Variants in CCSER1 observed in about 807,000 individuals in gnomAD.
The protein encoded by CCSER1 is serine-rich coiled-coil domain-containing protein 1.
A neutral mutation model predicts 82.0 loss-of-function variants in CCSER1; 41 were observed. That is an observed-to-expected ratio of 0.50 (90% CI 0.39 to 0.65). The LOEUF (loss-of-function observed/expected upper bound fraction) is 0.65, where lower values mean the gene tolerates loss of function less well. Ranked by LOEUF, CCSER1 falls within the 30% of genes least tolerant of loss-of-function variation. CCSER1 has a pLI of 0.00. For missense variants in CCSER1, 1,119 were observed against 1,064.2 expected, an observed-to-expected ratio of 1.05 and a Z score of -0.72; for synonymous variants, 414 against 383.9, an observed-to-expected ratio of 1.08 and a Z score of -0.92.
At chr4:90,630,938 G>C (rs1724289458) in intron 6 of CCSER1, among the ~76,000 whole-genome samples, 1 of 150,494 alleles carries the variant, frequency 6.6e-6, no homozygotes, top group African/African-American at 2.4e-5. Flanking sequence ...CTGTCACCCA[G>C]GCTGGAGTGC....
chr4:91,274,606 T>C (rs1742277831), intron 10 of CCSER1, among the ~76,000 whole-genome samples: 1 of 152,168 alleles, frequency 6.6e-6, no homozygotes, highest in Non-Finnish European at 1.5e-5. Flanking sequence ...CTGGCTTATT[T>C]CACCTGAAAT....
intron 3 of CCSER1, among the ~76,000 whole-genome samples, chr4:90,392,810 G>A (rs1190185873): frequency 6.6e-6 from 1 of 152,134 alleles, no homozygotes; most frequent in African/African-American, 2.4e-5. Context: ...ATACTTTGTG[G>A]CTGCTATGCT....
chr4:90,922,491 A>G (rs1464916131), intron 8 of CCSER1, among the ~76,000 whole-genome samples: 3 of 152,106 alleles, frequency 2.0e-5, no homozygotes, highest in South Asian at 2.1e-4. Context: ...AGAAAAGAAA[A>G]TGATAGACAT....
rs572921342 is a variant in CCSER1, at chr4:90,789,884, C to T, written c.2011-25878C>T. On this transcript the variant is annotated intron_variant, in intron 7 of 10. Coordinates refer to ENST00000509176, the MANE Select transcript of CCSER1 (RefSeq NM_001145065.2). ...GACTAATACACCTACTATATTTCTT[C>T]GGCTGGATTTTATAAGGAACATTTC... Among the ~76,000 whole-genome samples, 33 of 152,198 alleles carry T rather than the reference C, an allele frequency of 2.2e-4. No homozygotes were observed. The East Asian group carries it at 2.5e-3, about 12-fold the overall frequency.
intron 7 of CCSER1, among the ~76,000 whole-genome samples, chr4:90,809,142 A>T (rs1757911220): frequency 7.1e-6 from 1 of 141,610 alleles, no homozygotes; most frequent in South Asian, 2.2e-4. Flanking sequence ...ACAAAGTGAG[A>T]CCCCATTTCC....
intron 3 of CCSER1, among the ~76,000 whole-genome samples, chr4:90,387,231 A>G (rs1388456767): frequency 6.6e-6 from 1 of 152,172 alleles, no homozygotes; most frequent in Admixed American, 6.5e-5. Flanking sequence ...AAAATAAGCA[A>G]TGATTAAAAA....
chr4:90,731,318 G>T (rs1049799342), intron 7 of CCSER1, among the ~76,000 whole-genome samples: 1 of 152,070 alleles, frequency 6.6e-6, no homozygotes. Flanking sequence ...TATTTGTTTG[G>T]TTGGCTTAAT....
chr4:91,422,131 C>G lies in CCSER1; in HGVS notation c.2218-176441C>G, dbSNP rs924496107. On this transcript the variant is annotated intron_variant, in intron 10 of 10. Transcript: ENST00000509176. ...ACCTTGATTTTAGCTTAGTAATACT[C>G]ATGATGGACTCCTGACATTCAGAAC... 3.3e-5 allele frequency among the ~76,000 whole-genome samples: 5 copies of G among 152,050 alleles called. No individual in the cohort carries two copies. The East Asian group carries it at 7.7e-4, about 23-fold the overall frequency.
intron 9 of CCSER1, among the ~76,000 whole-genome samples, chr4:90,927,776 G>C (rs1729243894): frequency 6.6e-6 from 1 of 151,994 alleles, no homozygotes; most frequent in African/African-American, 2.4e-5. Flanking sequence ...TTTGCAGATA[G>C]TCCTAAAAAA....
At chr4:90,863,074 T>G (rs1765294440) in intron 8 of CCSER1, among the ~76,000 whole-genome samples, 1 of 151,476 alleles carries the variant, frequency 6.6e-6, no homozygotes, top group Admixed American at 6.6e-5. Flanking sequence ...TATCTCCTAA[T>G]GCTATCCCTC....
intron 10 of CCSER1, among the ~76,000 whole-genome samples, chr4:91,387,055 C>A (rs957980895): frequency 3.3e-5 from 5 of 151,868 alleles, no homozygotes; most frequent in Admixed American, 3.3e-4. Context: ...TAAGATCATT[C>A]ATAAAATGTG....
At chr4:90,806,985 A>G (rs548492795) in intron 7 of CCSER1, among the ~76,000 whole-genome samples, 3 of 152,132 alleles carry the variant, frequency 2.0e-5, no homozygotes, top group South Asian at 4.2e-4. Flanking sequence ...GAATAAAATT[A>G]ACTTTTCTTA....
At chr4:90,963,154 A>G (rs1734207741) in intron 9 of CCSER1, among the ~76,000 whole-genome samples, 4 of 152,152 alleles carry the variant, frequency 2.6e-5, no homozygotes, top group Admixed American at 2.6e-4. Flanking sequence ...CTCTTATTAT[A>G]TAGTTCCCTA....
intron 10 of CCSER1, among the ~76,000 whole-genome samples, chr4:91,207,216 T>G (rs1279551041): frequency 1.3e-5 from 2 of 151,870 alleles, no homozygotes; most frequent in Non-Finnish European, 2.9e-5. Context: ...TTTAAAATAT[T>G]TTAACTTTTA....
intron 10 of CCSER1, among the ~76,000 whole-genome samples, chr4:91,302,171 G>A (rs534819311): frequency 6.6e-6 from 1 of 151,844 alleles, no homozygotes; most frequent in Non-Finnish European, 1.5e-5. Flanking sequence ...ATCTTCATTT[G>A]CATTTAGATG....
chr4:91,147,938 A>T (rs920707391), intron 10 of CCSER1, among the ~76,000 whole-genome samples: 2 of 152,216 alleles, frequency 1.3e-5, no homozygotes, highest in Admixed American at 1.3e-4. Flanking sequence ...CTTAAGATGT[A>T]ATGTTTTTAA....
At chr4:91,143,776 CTT>C (rs1460985894) in intron 10 of CCSER1, among the ~76,000 whole-genome samples, 1 of 151,880 alleles carries the variant, frequency 6.6e-6, no homozygotes, top group African/African-American at 2.4e-5. Context: ...GTAAATCACA[CTT>C]ATTGATTTGT....
intron 5 of CCSER1, among the ~76,000 whole-genome samples, chr4:90,623,174 C>A (rs1192246329): frequency 6.6e-6 from 1 of 151,560 alleles, no homozygotes; most frequent in East Asian, 1.9e-4. Context: ...ACTACAGGCA[C>A]CCGCCACCAC....
At chr4:90,586,661 T>C (rs1446175467) in intron 5 of CCSER1, among the ~76,000 whole-genome samples, 1 of 152,226 alleles carries the variant, frequency 6.6e-6, no homozygotes, top group South Asian at 2.1e-4. Context: ...AAATAAATCA[T>C]ATCTATACTG....
Sources: allele counts gnomAD v4.1 joint callset (sites outside exome capture counted in the v4.1 genomes callset), GRCh38; gene constraint gnomAD v4.1.1; transcripts MANE v1.5; gene names NCBI Gene and HGNC (gene_info 2026-07-23, HGNC 2026-07-21).